Variants in DNAH8 observed in about 807,000 individuals in gnomAD.
DNAH8 encodes axonemal beta dynein heavy chain 8.
DNAH8 carries 382 observed loss-of-function variants against 562.1 expected under a neutral mutation model. That is an observed-to-expected ratio of 0.68 (90% CI 0.63 to 0.74). The LOEUF (loss-of-function observed/expected upper bound fraction) is 0.74, where lower values mean the gene tolerates loss of function less well. DNAH8 is among the 30% of genes least tolerant of loss of function. DNAH8 has a pLI of 0.00. For synonymous variants in DNAH8, 1,881 were observed against 1,919.4 expected (o/e 0.98, Z 0.52); for missense variants, 5,203 against 5,620.4 (o/e 0.93, Z 2.37).
At chr6:38,834,454 A>G (rs1774109785) in intron 31 of DNAH8, 125 bp from the exon 32 acceptor site, 1 of 606,648 alleles carries the variant, frequency 1.6e-6, no homozygotes, top group Non-Finnish European at 2.8e-6. Flanking sequence ...CAAGTACAGG[A>G]CACAATTAAA....
At position 38,974,413 on chromosome 6, in the gene DNAH8, C is replaced by T. The variant is rs569195029; in HGVS notation, c.12718C>T (p.Arg4240Cys). ...CACTAATGAGCCACCCCAAGGTGTA[C>T]GCGCAGGTTTGAAAAGAACATTTGC... is the stretch of plus-strand genomic sequence containing the variant. ...KFTNEPPQGV[R>C]AGLKRTFAGI... The change falls in exon 85 of 93, where the codon CGC becomes TGC. Residue 4240 changes from arginine to cysteine, a missense_variant. By Grantham distance (180) the Arg-to-Cys change is radical (BLOSUM62 -3). Around this residue, in one of 6 missense-constraint regions of DNAH8, gnomAD observed 1,399 missense variants for 1,518.4 expected, o/e 0.92. Coordinates refer to ENST00000327475, the MANE Select transcript of DNAH8 (RefSeq NM_001206927.2). 9.9e-6 allele frequency: 16 copies of T among 1,613,884 alleles called. No homozygotes were observed. Among genetic ancestry groups the T allele is most frequent in the African/African-American group, 2.7e-5 (2 of 75,050 alleles).
rs376122762 is a variant in DNAH8 at position 38,974,370 on chromosome 6, A to G, written c.12679-4A>G. 1.9e-6 allele frequency: 3 copies of G among 1,604,968 alleles called. No individual in the cohort carries two copies. The highest frequency in any genetic ancestry group is 1.7e-5 in the Admixed American group (1 of 58,066). ...ACAAAAGCACTGTTTTCTTTTCATG[A>G]CAGACCTCTCTCAAATTCACTAATG... On this transcript the variant is annotated splice_polypyrimidine_tract_variant and splice_region_variant and intron_variant, in intron 84 of 92. Coordinates refer to ENST00000327475, the MANE Select transcript of DNAH8 (RefSeq NM_001206927.2).
chr6:38,746,861 A>G (rs895943268), intron 8 of DNAH8, among the ~76,000 whole-genome samples: 11 of 152,100 alleles, frequency 7.2e-5, no homozygotes, highest in African/African-American at 2.7e-4. Flanking sequence ...CCCGGGAGGT[A>G]GAGGTTGCAG....
chr6:38,803,315 A>G lies in DNAH8; in HGVS notation c.3034+4A>G. The stretch of plus-strand genomic sequence containing the variant: ...GGGAAAGTAGGAAAACAGTCAGGTA[A>G]CTTTTCTCGTTACTGTGTTTGAATT... On this transcript the variant is annotated splice_donor_region_variant and intron_variant, in intron 22 of 92. Transcript: ENST00000327475. 6.3e-7 allele frequency: 1 copy of G among 1,598,830 alleles called. No individual in the cohort carries two copies. The highest frequency in any genetic ancestry group is 2.2e-5 in the East Asian group (1 of 44,512).
chr6:38,734,405 A>G (rs563558387), intron 4 of DNAH8, 69 bp from the exon 5 acceptor site: 1 of 1,531,180 alleles, frequency 6.5e-7, no homozygotes, highest in African/African-American at 1.4e-5. Context: ...ATAGTGTAAG[A>G]GCCACAGTAA....
chr6:38,916,880 A>G (rs1781348250), intron 68 of DNAH8, among the ~76,000 whole-genome samples: 1 of 152,146 alleles, frequency 6.6e-6, no homozygotes, highest in Admixed American at 6.6e-5. Context: ...GAGGTTTCTG[A>G]TATTCAGGGC....
In DNAH8 at chr6:38,967,610, AC is replaced by A. The variant is rs936202107; in HGVS notation, c.12452-3981del. On this transcript the variant is annotated intron_variant, in intron 82 of 92. Coordinates refer to ENST00000327475, the MANE Select transcript of DNAH8 (RefSeq NM_001206927.2). ...AGATTTGTACATTGAAAACTAAAAA[AC>A]ATCATTAAAAAATTAAATACCTAAA... 5.3e-5 allele frequency among the ~76,000 whole-genome samples: 8 copies of A among 152,096 alleles called. 1 individual carries two copies. Among genetic ancestry groups the A allele is most frequent in the Non-Finnish European group, 2.9e-5 (2 of 67,998 alleles).
At chr6:38,766,139 A>ATGTGTGTGTGTGTGCATGTGTG (rs57039279) in intron 11 of DNAH8, among the ~76,000 whole-genome samples, 2 of 150,892 alleles carry the variant, frequency 1.3e-5, no homozygotes, top group East Asian at 1.9e-4. Context: ...ATGTGTTTGT[A>ATGTGTGTGTGTGTGCATGTGTG]TGTGTGTGTG....
rs369781412 is a variant in DNAH8, at chr6:38,839,720, T to C, written c.4466+1678T>C. On this transcript the variant is annotated intron_variant, in intron 33 of 92. Transcript: ENST00000327475. ...TCTTGTTGCCCAGGCTGGAGTGCAA[T>C]GACATGATCTCGGCTCACAGCAACC... Among the ~76,000 whole-genome samples, 23 of 151,836 alleles carry C rather than the reference T, an allele frequency of 1.5e-4. No homozygotes were observed. The East Asian group carries it at 3.5e-3, about 23-fold the overall frequency.
chr6:38,870,052 A>G (rs1777348556), intron 48 of DNAH8, among the ~76,000 whole-genome samples: 1 of 152,212 alleles, frequency 6.6e-6, no homozygotes, highest in Admixed American at 6.5e-5. Context: ...GCAAGAGAGC[A>G]TGTGCAAGGG....
At chr6:38,750,963 A>G (rs35379964) in intron 9 of DNAH8, among the ~76,000 whole-genome samples, 39,388 of 152,136 alleles carry the variant, frequency 0.26, 5,967 homozygotes, top group Middle Eastern at 0.35. Context: ...TGAATCATTA[A>G]TATAGTATGT....
rs748123661 is a variant in DNAH8, at chr6:38,896,117, G to C, written c.8832G>C (p.Ser2944=). 3 of 1,613,866 alleles carry C rather than the reference G, an allele frequency of 1.9e-6. No individual in the cohort carries two copies. Among genetic ancestry groups the C allele is most frequent in the African/African-American group, 2.7e-5 (2 of 74,914 alleles). Reference sequence around the variant, plus strand: ...AAAATATTGGCTCTGATGCAGCGTCGTGTATTCTTCCTGAACCATACTTTG... The same window carrying C: ...AAAATATTGGCTCTGATGCAGCGTCCTGTATTCTTCCTGAACCATACTTTG... ...VEENIGSDAA[S]CILPEPYFVD... is the part of the protein sequence containing the mutation. The change falls in exon 60 of 93, where the codon TCG becomes TCC. Residue 2944 remains serine, a synonymous_variant. Coordinates refer to ENST00000327475, the MANE Select transcript of DNAH8 (RefSeq NM_001206927.2).
chr6:38,887,108 G>A (rs952834632), intron 57 of DNAH8, 104 bp downstream of exon 57: 2 of 793,884 alleles, frequency 2.5e-6, no homozygotes, highest in African/African-American at 1.7e-5. Flanking sequence ...GTGGGGTTAG[G>A]TATGTGAAAT....
At position 38,803,161 on chromosome 6, in the gene DNAH8, C is replaced by G. The variant is rs757271259; in HGVS notation, c.2902-18C>G. 1 of 1,536,300 alleles carries G rather than the reference C, an allele frequency of 6.5e-7. No individual in the cohort carries two copies. The highest frequency in any genetic ancestry group is 8.8e-7 in the Non-Finnish European group (1 of 1,139,172). On this transcript the variant is annotated intron_variant, in intron 21 of 92. Coordinates refer to ENST00000327475, the MANE Select transcript of DNAH8 (RefSeq NM_001206927.2). The stretch of plus-strand genomic sequence containing the variant: ...TTTTAAGTATCTGGAAAATAATAGT[C>G]ATTTCTTTATTTAACAGACATACAC...
chr6:38,965,179 C>T (rs1031982689), intron 82 of DNAH8, among the ~76,000 whole-genome samples: 3 of 151,642 alleles, frequency 2.0e-5, no homozygotes, highest in Non-Finnish European at 2.9e-5. Context: ...CCCTTGGAGT[C>T]AGATATGTTT....
chr6:38,792,888 C>T (rs923075298), intron 21 of DNAH8, among the ~76,000 whole-genome samples: 2 of 152,098 alleles, frequency 1.3e-5, no homozygotes, highest in African/African-American at 4.8e-5. Context: ...AAGTGATCTT[C>T]CCATTTCAGC....
At chr6:38,781,224 C>A in intron 15 of DNAH8, 30 bp from the exon 16 acceptor site, 1 of 1,612,080 alleles carries the variant, frequency 6.2e-7, no homozygotes, top group South Asian at 1.1e-5. Flanking sequence ...GTATTGAATT[C>A]AAACATTAAC....
intron 8 of DNAH8, among the ~76,000 whole-genome samples, chr6:38,748,981 G>A (rs920355101): frequency 6.6e-6 from 1 of 151,898 alleles, no homozygotes; most frequent in African/African-American, 2.4e-5. Context: ...GTGATGTTTT[G>A]GCTTTTCTCA....
chr6:38,993,177 C>T (rs188121058), intron 88 of DNAH8, among the ~76,000 whole-genome samples: 98 of 152,242 alleles, frequency 6.4e-4, no homozygotes, highest in African/African-American at 2.2e-3. Context: ...TTTCTCCCAC[C>T]GTAAAAACTC....
Sources: allele counts gnomAD v4.1 joint callset (sites outside exome capture counted in the v4.1 genomes callset), GRCh38; gene constraint gnomAD v4.1.1; regional missense constraint gnomAD v4.1.1; transcripts MANE v1.5; gene names NCBI Gene and HGNC (gene_info 2026-07-23, HGNC 2026-07-21).